The following INO80C variants were observed in gnomAD, a reference collection of about 807,000 sequenced individuals.
INO80C encodes the protein INO80 complex subunit C.
Under a neutral mutation model 17.7 loss-of-function variants are expected in INO80C, and 17 were observed. The ratio of observed to expected loss-of-function variants is 0.96; its 90% CI spans 0.66 to 1.44. The LOEUF is 1.44. Ranked by LOEUF, INO80C falls within the 40% of genes most tolerant of loss-of-function variation. The probability of loss-of-function intolerance (pLI) is 0.00; values close to 1 mark genes in which losing one functional copy is unlikely to be tolerated. For missense variants in INO80C, 244 were observed against 245.0 expected (o/e 1.00, Z 0.03); for synonymous variants, 96 against 95.8 (o/e 1.00, Z -0.01).
chr18:35,495,667 T>C (rs1335101755), intron 1 of INO80C, among the ~76,000 whole-genome samples: 1 of 152,214 alleles, frequency 6.6e-6, no homozygotes, highest in Non-Finnish European at 1.5e-5. Context: ...AAACAATTAT[T>C]CCTACCCATA....
At chr18:35,487,687 T>C (rs1401944339) in intron 1 of INO80C, 1 of 155,104 alleles carries the variant, frequency 6.4e-6, no homozygotes, top group Non-Finnish European at 1.4e-5. Flanking sequence ...CCCTCCCAAA[T>C]CTCATGTCCT....
At chr18:35,479,244 T>C (rs1303978648) in intron 3 of INO80C, 56 bp downstream of exon 3, 1 of 1,090,280 alleles carries the variant, frequency 9.2e-7, no homozygotes, top group East Asian at 2.4e-5. Context: ...TAGGTTGTTA[T>C]AAGACAGTTC....
chr18:35,468,699 A>G lies in INO80C; in HGVS notation c.491T>C (p.Ile164Thr). Residue 164 changes from isoleucine to threonine, a missense_variant, in exon 5 of 5, where the codon ATT (isoleucine) becomes ACT (threonine). Transcript: ENST00000334598. ...DPQSKLRFSTIEEFSYIRRLP... is the reference protein window; with the variant it reads ...DPQSKLRFSTTEEFSYIRRLP... ...CCTCCGAATGTAGGAAAACTCTTCA[A>G]TGGTGCTGAACCGCAGTTTGCTCTG... is the stretch of plus-strand genomic sequence containing the variant. 4 of 1,614,156 alleles carry G rather than the reference A, an allele frequency of 2.5e-6. No individual in the cohort carries two copies. The highest frequency in any genetic ancestry group is 1.1e-5 in the South Asian group (1 of 91,078).
At chr18:35,476,203 T>C (rs1341668270) in intron 4 of INO80C, among the ~76,000 whole-genome samples, 1 of 152,238 alleles carries the variant, frequency 6.6e-6, no homozygotes, top group Non-Finnish European at 1.5e-5. Flanking sequence ...ATCAGAGGAA[T>C]TCCAGTAGTG....
chr18:35,487,387 T>G lies in INO80C; in HGVS notation c.157-6824A>C, dbSNP rs763263715. 2.7e-4 allele frequency: 109 copies of G among 397,466 alleles called. 1 individual carries two copies. The highest frequency in any genetic ancestry group is 8.2e-4 in the Middle Eastern group (1 of 1,214). The allele number at this position is 397,466 out of a possible 1,614,324, so 24.6% of individuals were successfully genotyped here. ...GAAAAAGAGGTTTAATGGACTCACATTTCCACGCGGCTGGGGAGGCCTCAC... is the reference window on the plus strand; with the variant it reads ...GAAAAAGAGGTTTAATGGACTCACAGTTCCACGCGGCTGGGGAGGCCTCAC... On this transcript the variant is annotated intron_variant, in intron 1 of 4. Coordinates refer to ENST00000334598, the MANE Select transcript of INO80C (RefSeq NM_194281.4).
At position 35,497,943 on chromosome 18, in the gene INO80C, T is replaced by G. The variant is rs1211648861; in HGVS notation, c.-69A>C. 12 of 1,438,718 alleles carry G rather than the reference T, an allele frequency of 8.3e-6. No homozygotes were observed. Among genetic ancestry groups the G allele is most frequent in the Non-Finnish European group, 1.8e-6 (2 of 1,086,780 alleles). 89.1% of individuals were successfully genotyped at this position (1,438,718 alleles called of 1,614,324 possible). On this transcript the variant is annotated 5_prime_UTR_variant, in exon 1 of 5. Coordinates refer to ENST00000334598, the MANE Select transcript of INO80C (RefSeq NM_194281.4). ...GCGGGCCTTGGAACTTCCTTTCCGC[T>G]GTTACTTCCGTCTTGATGCTTGAAA...
At chr18:35,495,993 A>G (rs1033331185) in intron 1 of INO80C, among the ~76,000 whole-genome samples, 5 of 152,234 alleles carry the variant, frequency 3.3e-5, no homozygotes, top group African/African-American at 1.2e-4. Context: ...TTAAAGACTG[A>G]CAATGAAAGA....
At chr18:35,475,906 T>C (rs1190552631) in intron 4 of INO80C, among the ~76,000 whole-genome samples, 5 of 152,028 alleles carry the variant, frequency 3.3e-5, no homozygotes, top group Non-Finnish European at 7.4e-5. Flanking sequence ...CTCTAAAAGG[T>C]AACTGTCTAA....
At position 35,485,671 on chromosome 18, in the gene INO80C, A is replaced by T. The variant is rs917325209; in HGVS notation, c.157-5108T>A. On this transcript the variant is annotated intron_variant, in intron 1 of 4. Transcript: ENST00000334598. Reference sequence around the variant, plus strand: ...AGTTTCTCAAAATGTTAACCACAGAATTATCATATGACCCAATAATTTAAC... The same window carrying T: ...AGTTTCTCAAAATGTTAACCACAGATTTATCATATGACCCAATAATTTAAC... Among the ~76,000 whole-genome samples, 17 of 152,246 alleles carry T rather than the reference A, an allele frequency of 1.1e-4. 1 individual carries two copies. The highest frequency in any genetic ancestry group is 2.1e-4 in the South Asian group (1 of 4,826).
At chr18:35,472,183 C>A (rs2045678796) in intron 4 of INO80C, among the ~76,000 whole-genome samples, 1 of 152,242 alleles carries the variant, frequency 6.6e-6, no homozygotes, top group African/African-American at 2.4e-5. Context: ...GCCACACTGT[C>A]TTCCACAGCA....
intron 1 of INO80C, among the ~76,000 whole-genome samples, chr18:35,495,921 C>T (rs1429856289): frequency 6.6e-6 from 1 of 152,020 alleles, no homozygotes; most frequent in Non-Finnish European, 1.5e-5. Context: ...ATATCATTAG[C>T]CATCAGAGAA....
At position 35,480,218 on chromosome 18, in the gene INO80C, A is replaced by C. The variant is rs188112355; in HGVS notation, c.267+235T>G. Among the ~76,000 whole-genome samples the C allele has an allele frequency of 3.4e-3, 524 of 152,334 alleles. 4 individuals carry two copies. Among genetic ancestry groups the C allele is most frequent in the African/African-American group, 0.012 (488 of 41,586 alleles). ...TCATCATGGAAATGTCCCACCCTCC[A>C]AACAGTATCCTTTAATGAATCCACA... is the stretch of plus-strand genomic sequence containing the variant. On this transcript the variant is annotated intron_variant, in intron 2 of 4. Coordinates refer to ENST00000334598, the MANE Select transcript of INO80C (RefSeq NM_194281.4).
intron 1 of INO80C, among the ~76,000 whole-genome samples, chr18:35,491,179 G>A (rs1035797026): frequency 4.6e-5 from 7 of 152,190 alleles, no homozygotes; most frequent in Admixed American, 2.6e-4. Flanking sequence ...TGACATAGGC[G>A]TTTAGTTCCA....
intron 1 of INO80C, among the ~76,000 whole-genome samples, chr18:35,496,125 G>A (rs1242192644): frequency 6.6e-6 from 1 of 152,210 alleles, no homozygotes; most frequent in Non-Finnish European, 1.5e-5. Flanking sequence ...TGAGTTAAAT[G>A]TATGCCTACC....
chr18:35,474,887 T>TA (rs1219210511), intron 4 of INO80C, among the ~76,000 whole-genome samples: 19 of 152,088 alleles, frequency 1.2e-4, no homozygotes, highest in African/African-American at 4.3e-4. Flanking sequence ...CGCAACGAAA[T>TA]AAGAGTTTTT....
At chr18:35,478,501 G>T in intron 3 of INO80C, 152 bp from the exon 4 acceptor site, 2 of 652,646 alleles carry the variant, frequency 3.1e-6, no homozygotes, top group Non-Finnish European at 5.2e-6. Flanking sequence ...AACTAGAGAA[G>T]TAGGGGAGGA....
intron 1 of INO80C, among the ~76,000 whole-genome samples, chr18:35,493,218 G>A (rs1370965963): frequency 1.3e-5 from 2 of 152,186 alleles, no homozygotes. Flanking sequence ...AACAGTGCCT[G>A]GCATGTAGTA....
intron 4 of INO80C, among the ~76,000 whole-genome samples, chr18:35,470,031 G>C (rs187405820): frequency 1.3e-5 from 2 of 152,166 alleles, no homozygotes; most frequent in Non-Finnish European, 2.9e-5. Flanking sequence ...AGACATGAGG[G>C]TGAGTCATTT....
At chr18:35,492,474 G>A (rs992989616) in intron 1 of INO80C, among the ~76,000 whole-genome samples, 1 of 152,126 alleles carries the variant, frequency 6.6e-6, no homozygotes, top group South Asian at 2.1e-4. Flanking sequence ...GTATCTACAT[G>A]TAGAAAACAC....
Sources: allele counts gnomAD v4.1 joint callset (sites outside exome capture counted in the v4.1 genomes callset), GRCh38; gene constraint gnomAD v4.1.1; transcripts MANE v1.5; gene names NCBI Gene and HGNC (gene_info 2026-07-23, HGNC 2026-07-21).